MYCT1: variants seen among roughly 807,000 people sequenced by gnomAD.
The protein encoded by MYCT1 is myc target protein 1.
MYCT1 carries 12 observed loss-of-function variants against 15.0 expected under a neutral mutation model. The observed-to-expected ratio is 0.80, with a 90% CI of 0.51 to 1.29. The LOEUF (loss-of-function observed/expected upper bound fraction) is 1.29, where lower values mean the gene tolerates loss of function less well. Among genes scored for constraint, MYCT1 ranks in the 50% most tolerant of loss-of-function variants. MYCT1 has a pLI of 0.00. For synonymous variants in MYCT1, 104 were observed against 102.7 expected, an observed-to-expected ratio of 1.01 and a Z score of -0.07; for missense variants, 287 against 279.1, an observed-to-expected ratio of 1.03 and a Z score of -0.20.
At chr6:152,745,690 C>T in the MYCT1 span, among the ~76,000 whole-genome samples, 16 of 152,122 alleles carry the variant, frequency 1.1e-4, no homozygotes, top group East Asian at 1.9e-4. Flanking sequence ...GGCTGGCTGT[C>T]ATCGACTGAA....
At chr6:152,726,545 A>ACAGTT (rs1261479347), downstream of MYCT1, among the ~76,000 whole-genome samples, 2 of 150,328 alleles carry the variant, frequency 1.3e-5, no homozygotes, top group East Asian at 3.9e-4. Flanking sequence ...TTTCTAAATC[A>ACAGTT]CAGTTCGGTG....
chr6:152,736,439 C>T, the MYCT1 span, among the ~76,000 whole-genome samples: 1 of 152,108 alleles, frequency 6.6e-6, no homozygotes, highest in African/African-American at 2.4e-5. Flanking sequence ...GCAGGATTCA[C>T]TTCCGTGGTC....
chr6:152,742,296 G>C, the MYCT1 span, among the ~76,000 whole-genome samples: 1 of 151,974 alleles, frequency 6.6e-6, no homozygotes, highest in Non-Finnish European at 1.5e-5. Flanking sequence ...GCTGAGACCC[G>C]AAGGATAAAA....
At chr6:152,746,879 C>G in the MYCT1 span, among the ~76,000 whole-genome samples, 6 of 152,270 alleles carry the variant, frequency 3.9e-5, no homozygotes, top group Non-Finnish European at 5.9e-5. Context: ...GTAAGTGGGA[C>G]AGATAACGAG....
At chr6:152,714,305 CTT>C (rs5880998) in intron 1 of MYCT1, among the ~76,000 whole-genome samples, 3,184 of 119,938 alleles carry the variant, frequency 0.027, 47 homozygotes, top group African/African-American at 0.057. Flanking sequence ...TTTTCTTTTT[CTT>C]TTTTTTTTTT....
intron 1 of MYCT1, among the ~76,000 whole-genome samples, chr6:152,720,884 T>C (rs927628714): frequency 6.6e-6 from 1 of 152,198 alleles, no homozygotes; most frequent in Admixed American, 6.5e-5. Context: ...TTACCTAGTT[T>C]CATTCAAGAA....
chr6:152,701,690 T>A (rs2099721350), intron 1 of MYCT1, among the ~76,000 whole-genome samples: 1 of 152,170 alleles, frequency 6.6e-6, no homozygotes, highest in Non-Finnish European at 1.5e-5. Flanking sequence ...CATCAGCTTT[T>A]GAGACATTGC....
chr6:152,706,001 T>C, intron 1 of MYCT1: 1 of 839,476 alleles, frequency 1.2e-6, no homozygotes, highest in Non-Finnish European at 2.1e-6. Flanking sequence ...TATCGGATGC[T>C]GCTGGTGTGG....
At chr6:152,746,919 G>A in the MYCT1 span, among the ~76,000 whole-genome samples, 55 of 152,224 alleles carry the variant, frequency 3.6e-4, no homozygotes, top group Admixed American at 5.9e-4. Context: ...AGTTGTCCTC[G>A]ATCATATCAT....
chr6:152,744,749 C>A, the MYCT1 span, among the ~76,000 whole-genome samples: 15 of 152,130 alleles, frequency 9.9e-5, no homozygotes, highest in Non-Finnish European at 1.5e-4. Flanking sequence ...GCCAGAGGAC[C>A]AGGGTGTGGA....
In MYCT1 at chr6:152,722,269, GT is replaced by G. The variant is rs1240362628; in HGVS notation, c.*21del. On this transcript the variant is annotated 3_prime_UTR_variant, in exon 2 of 2. Coordinates refer to ENST00000367245, the MANE Select transcript of MYCT1 (RefSeq NM_025107.3). Reference sequence around the variant, plus strand: ...AGATTCCTGAGTAGGGTGGCTTTTGGTTTTTGTTTCTTTCTTGTCTTGTCTT... The same window carrying G: ...AGATTCCTGAGTAGGGTGGCTTTTGGTTTTGTTTCTTTCTTGTCTTGTCTT... The G allele has an allele frequency of 3.8e-6, 6 of 1,575,372 alleles. No homozygotes were observed. The highest frequency in any genetic ancestry group is 5.1e-6 in the Non-Finnish European group (6 of 1,165,320).
chr6:152,719,628 G>A (rs928634963), intron 1 of MYCT1, among the ~76,000 whole-genome samples: 1 of 152,326 alleles, frequency 6.6e-6, no homozygotes, highest in South Asian at 2.1e-4. Context: ...AATTGTGAAA[G>A]TAGGACACAA....
chr6:152,738,456 G>A, the MYCT1 span, among the ~76,000 whole-genome samples: 2 of 151,948 alleles, frequency 1.3e-5, no homozygotes, highest in Non-Finnish European at 1.5e-5. Flanking sequence ...TCCTTGACAA[G>A]TTCCTAGGTT....
At chr6:152,715,200 G>C (rs960815468) in intron 1 of MYCT1, among the ~76,000 whole-genome samples, 1 of 152,024 alleles carries the variant, frequency 6.6e-6, no homozygotes, top group African/African-American at 2.4e-5. Flanking sequence ...GTCTCTGATG[G>C]CTTCAAACAA....
chr6:152,736,565 C>T, the MYCT1 span, among the ~76,000 whole-genome samples: 1 of 152,038 alleles, frequency 6.6e-6, no homozygotes, highest in Non-Finnish European at 1.5e-5. Context: ...TTGTGTACAT[C>T]GGTGGGTGTA....
At position 152,712,503 on chromosome 6, in the gene MYCT1, A is replaced by G. The variant is rs2099722930; in HGVS notation, c.197-9239A>G. Among the ~76,000 whole-genome samples, 2 of 71,964 alleles carry G rather than the reference A, an allele frequency of 2.8e-5. 1 individual carries two copies. Among genetic ancestry groups the G allele is most frequent in the Non-Finnish European group, 6.6e-5 (2 of 30,172 alleles). 47.2% of individuals were successfully genotyped at this position (71,964 alleles called of 152,430 possible). A position where few individuals can be genotyped will look rare whatever the true frequency, so the allele number is the denominator to read the frequency against. ...CTGCTTCGGCTCGCGCACGGTGCGC[A>G]CACACACTGGCCTGCGCCCACTGTC... On this transcript the variant is annotated intron_variant, in intron 1 of 1. Coordinates refer to ENST00000367245, the MANE Select transcript of MYCT1 (RefSeq NM_025107.3).
chr6:152,741,789 A>C, the MYCT1 span, among the ~76,000 whole-genome samples: 2 of 152,334 alleles, frequency 1.3e-5, no homozygotes, highest in African/African-American at 4.8e-5. Context: ...GATGACTTAA[A>C]GGACTAAGAA....
At chr6:152,717,153 AATC>A (rs1283420265) in intron 1 of MYCT1, among the ~76,000 whole-genome samples, 1 of 150,646 alleles carries the variant, frequency 6.6e-6, no homozygotes, top group African/African-American at 2.4e-5. Flanking sequence ...AGGTCAGAAA[AATC>A]ATCAACTATA....
chr6:152,729,329 A>C (rs958544027), downstream of MYCT1, among the ~76,000 whole-genome samples: 7 of 151,562 alleles, frequency 4.6e-5, no homozygotes, highest in Non-Finnish European at 1.0e-4. Flanking sequence ...TTTTTTTTTA[A>C]GTGGTTTGTC....
Sources: gnomAD v4.1 joint callset for allele counts (sites outside exome capture counted in the v4.1 genomes callset) on GRCh38, gnomAD v4.1.1 for gene constraint, MANE v1.5 for transcripts, NCBI Gene and HGNC (gene_info 2026-07-23, HGNC 2026-07-21) for gene names.